Variants in TAF4B observed in about 807,000 individuals in gnomAD.
TAF4B encodes the protein transcription initiation factor TFIID subunit 4B.
Under a neutral mutation model 86.4 loss-of-function variants are expected in TAF4B, and 38 were observed. The ratio of observed to expected loss-of-function variants is 0.44; its 90% CI spans 0.34 to 0.58. The LOEUF (loss-of-function observed/expected upper bound fraction) is 0.58, where lower values mean the gene tolerates loss of function less well. TAF4B is among the 20% of genes least tolerant of loss of function. TAF4B has a pLI of 0.02. For missense variants in TAF4B, 988 were observed against 1,027.6 expected, an observed-to-expected ratio of 0.96 and a Z score of 0.53; for synonymous variants, 388 against 391.2, an observed-to-expected ratio of 0.99 and a Z score of 0.10.
At chr18:26,336,837 C>A (rs1045932431) in intron 13 of TAF4B, among the ~76,000 whole-genome samples, 1 of 152,282 alleles carries the variant, frequency 6.6e-6, no homozygotes, top group Non-Finnish European at 1.5e-5. Flanking sequence ...TTTAACCTTA[C>A]CCTGTCTGTT....
chr18:26,388,138 T>A (rs1258314752), intron 14 of TAF4B, among the ~76,000 whole-genome samples: 2 of 152,254 alleles, frequency 1.3e-5, no homozygotes, highest in Non-Finnish European at 2.9e-5. Context: ...CGAGACGTTT[T>A]GTGAAACAAA....
At chr18:26,299,338 A>AT (rs2056703919) in intron 9 of TAF4B, among the ~76,000 whole-genome samples, 1 of 152,134 alleles carries the variant, frequency 6.6e-6, no homozygotes, top group Admixed American at 6.6e-5. Context: ...TTTTCTTATT[A>AT]TTCTAGGATC....
At chr18:26,340,047 C>T (rs935564976) in intron 13 of TAF4B, among the ~76,000 whole-genome samples, 1 of 152,126 alleles carries the variant, frequency 6.6e-6, no homozygotes, top group African/African-American at 2.4e-5. Flanking sequence ...ACAGTGCAAC[C>T]TATAGGAACT....
chr18:26,293,072 G>C (rs1440517945), intron 8 of TAF4B, among the ~76,000 whole-genome samples: 4 of 152,082 alleles, frequency 2.6e-5, no homozygotes, highest in Non-Finnish European at 5.9e-5. Flanking sequence ...ACCCAAGTCA[G>C]GTAGACTGGG....
In TAF4B at chr18:26,274,760, C is replaced by A. The variant is rs779626224; in HGVS notation, c.695C>A (p.Thr232Asn). ...CCTTCAAGTTTGGGAGCATCATCCA[C>A]TCCTTCAAATGAGCCCAATCTTAAA... ...LKPSSLGASS[T>N]PSNEPNLKAE... Residue 232 changes from threonine to asparagine, a missense_variant, in exon 4 of 15, where the codon ACT becomes AAT. Physicochemically the swap from Thr to Asn is moderately conservative, Grantham distance 65 (BLOSUM62 0). Around this residue, in one of 3 missense-constraint regions of TAF4B, gnomAD observed 747 missense variants for 737.9 expected, o/e 1.01. Transcript: ENST00000269142. The A allele has an allele frequency of 1.2e-6, 2 of 1,614,088 alleles. No individual in the cohort carries two copies. Among genetic ancestry groups the A allele is most frequent in the Admixed American group, 1.7e-5 (1 of 60,006 alleles).
At chr18:26,244,672 C>T (rs2055895330) in intron 1 of TAF4B, among the ~76,000 whole-genome samples, 1 of 152,218 alleles carries the variant, frequency 6.6e-6, no homozygotes, top group Admixed American at 6.5e-5. Context: ...GAGCTGTAGA[C>T]TGGAGCTGTT....
intron 7 of TAF4B, among the ~76,000 whole-genome samples, chr18:26,288,347 T>G (rs764342985): frequency 3.9e-5 from 6 of 151,956 alleles, no homozygotes; most frequent in Non-Finnish European, 5.9e-5. Flanking sequence ...CCAGTAACAG[T>G]TAAGTGGCCG....
At position 26,286,605 on chromosome 18, in the gene TAF4B, G is replaced by A. The variant is rs77639469; in HGVS notation, c.1590+106G>A. 2,528 of 1,258,196 alleles carry A rather than the reference G, an allele frequency of 2.0e-3. 37 individuals carry two copies. In the African/African-American group the frequency reaches 0.037, roughly 19 times the overall value. The allele number at this position is 1,258,196 out of a possible 1,614,324, so 77.9% of individuals were successfully genotyped here. Reference sequence around the variant, plus strand: ...ACTAGTAAGGCTATATACTGTTTACGGGTTTGACCAATTAATTTTTTTTTT... The same window carrying A: ...ACTAGTAAGGCTATATACTGTTTACAGGTTTGACCAATTAATTTTTTTTTT... On this transcript the variant is annotated intron_variant, in intron 7 of 14. Coordinates refer to ENST00000269142, the MANE Select transcript of TAF4B (RefSeq NM_005640.3).
intron 14 of TAF4B, among the ~76,000 whole-genome samples, chr18:26,365,958 T>C (rs1038301602): frequency 6.6e-6 from 1 of 152,028 alleles, no homozygotes; most frequent in Non-Finnish European, 1.5e-5. Flanking sequence ...CCTGACTAAT[T>C]TTTTGTATTT....
intron 3 of TAF4B, among the ~76,000 whole-genome samples, chr18:26,271,926 CA>C (rs543780780): frequency 0.1 from 6,728 of 65,460 alleles, 134 homozygotes; most frequent in Non-Finnish European, 0.12. Context: ...GACTCCGTCT[CA>C]AAAAAAAAAA....
intron 9 of TAF4B, among the ~76,000 whole-genome samples, chr18:26,302,110 A>T (rs1014111668): frequency 6.6e-6 from 1 of 152,332 alleles, no homozygotes; most frequent in Non-Finnish European, 1.5e-5. Context: ...TTTTGAGGTT[A>T]CAATGGTCTG....
intron 9 of TAF4B, among the ~76,000 whole-genome samples, chr18:26,294,447 T>C (rs1271769510): frequency 1.3e-5 from 2 of 151,740 alleles, no homozygotes; most frequent in Non-Finnish European, 2.9e-5. Context: ...GTTCAAATTT[T>C]TGGCCCATTT....
At chr18:26,379,510 A>G (rs965839886) in intron 14 of TAF4B, among the ~76,000 whole-genome samples, 1 of 152,084 alleles carries the variant, frequency 6.6e-6, no homozygotes, top group Non-Finnish European at 1.5e-5. Flanking sequence ...TTAACTATAT[A>G]TGTGGACATA....
chr18:26,346,905 GTGTA>G (rs1567914349), intron 13 of TAF4B, among the ~76,000 whole-genome samples: 2 of 7,806 alleles, frequency 2.6e-4, no homozygotes, highest in Non-Finnish European at 3.8e-4. Flanking sequence ...ATATATGTGT[GTGTA>G]TATATATATA....
intron 1 of TAF4B, among the ~76,000 whole-genome samples, chr18:26,235,955 T>C (rs2055741720): frequency 6.6e-6 from 1 of 152,224 alleles, no homozygotes; most frequent in South Asian, 2.1e-4. Context: ...AGCTTTTAAA[T>C]GTCTAACAAT....
chr18:26,352,315 T>C (rs895757755), intron 13 of TAF4B, among the ~76,000 whole-genome samples: 2 of 151,722 alleles, frequency 1.3e-5, no homozygotes, highest in African/African-American at 4.8e-5. Context: ...AGTAACAAGA[T>C]AGGAGAAAAT....
intron 13 of TAF4B, among the ~76,000 whole-genome samples, chr18:26,355,583 T>C (rs904864703): frequency 4.6e-5 from 7 of 152,218 alleles, no homozygotes; most frequent in Admixed American, 2.6e-4. Flanking sequence ...TGTGAAATTT[T>C]CTAAAATTTT....
At chr18:26,304,624 TG>T in intron 9 of TAF4B, 1 of 641,438 alleles carries the variant, frequency 1.6e-6, no homozygotes, top group Non-Finnish European at 1.9e-6. Flanking sequence ...GTCTTCTTCC[TG>T]GGAACTTGAC....
At chr18:26,287,318 A>C (rs1731249935) in intron 7 of TAF4B, among the ~76,000 whole-genome samples, 1 of 152,088 alleles carries the variant, frequency 6.6e-6, no homozygotes, top group South Asian at 2.1e-4. Context: ...TTAATCTAGA[A>C]TACTTCTCTA....
Sources: allele counts gnomAD v4.1 joint callset (sites outside exome capture counted in the v4.1 genomes callset), GRCh38; gene constraint gnomAD v4.1.1; regional missense constraint gnomAD v4.1.1; transcripts MANE v1.5; gene names NCBI Gene and HGNC (gene_info 2026-07-23, HGNC 2026-07-21).